Variants in PPP2R2C observed in about 807,000 individuals in gnomAD.
PPP2R2C encodes the protein protein phosphatase 2, regulatory subunit B, gamma.
PPP2R2C carries 10 observed loss-of-function variants against 45.3 expected under a neutral mutation model. The observed-to-expected ratio is 0.22, with a 90% CI of 0.14 to 0.37. The LOEUF is 0.37. PPP2R2C is among the 10% of genes least tolerant of loss of function. The pLI is 1.00. For synonymous variants in PPP2R2C, 257 were observed against 245.4 expected (o/e 1.05, Z -0.44); for missense variants, 308 against 619.7 (o/e 0.50, Z 5.34).
chr4:6,489,530 G>A (rs1289565684), intron 2 of PPP2R2C, among the ~76,000 whole-genome samples: 1 of 152,178 alleles, frequency 6.6e-6, no homozygotes, highest in East Asian at 1.9e-4. Flanking sequence ...CTGCCTGTCA[G>A]TAAAGAGTGG....
At position 6,504,091 on chromosome 4, in the gene PPP2R2C, G is replaced by C. The variant is rs1000284526; in HGVS notation, c.49+31180C>G. 5.1e-4 allele frequency among the ~76,000 whole-genome samples: 78 copies of C among 152,200 alleles called. 1 individual carries two copies. The highest frequency in any genetic ancestry group is 1.9e-3 in the African/African-American group (77 of 41,444). ...ACTGTGATAGAAATCTCCCATCTTA[G>C]TGGCCTTAAGAAGTAGCTGACAGCA... On this transcript the variant is annotated intron_variant, in intron 2 of 9. Transcript: ENST00000506140.
intron 1 of PPP2R2C, among the ~76,000 whole-genome samples, chr4:6,417,616 T>C (rs1338597778): frequency 6.6e-6 from 1 of 152,202 alleles, no homozygotes; most frequent in Non-Finnish European, 1.5e-5. Flanking sequence ...GGCTTCTGGA[T>C]AAACATGTTC....
At chr4:6,441,458 C>G (rs549542134) in intron 1 of PPP2R2C, among the ~76,000 whole-genome samples, 1 of 152,288 alleles carries the variant, frequency 6.6e-6, no homozygotes, top group Admixed American at 6.5e-5. Context: ...GGTTCCCAGC[C>G]TGCAAGTCAC....
intron 2 of PPP2R2C, among the ~76,000 whole-genome samples, chr4:6,522,767 G>A (rs2108815007): frequency 6.6e-6 from 1 of 152,248 alleles, no homozygotes; most frequent in East Asian, 1.9e-4. Context: ...TTGGCCCCTG[G>A]TTCTTGGCTA....
At chr4:6,463,031 T>C (rs1401989813) in intron 1 of PPP2R2C, among the ~76,000 whole-genome samples, 1 of 152,220 alleles carries the variant, frequency 6.6e-6, no homozygotes, top group African/African-American at 2.4e-5. Flanking sequence ...CACTCCCTTC[T>C]TAAACACTTT....
chr4:6,356,782 C>T (rs1172199916), intron 5 of PPP2R2C, among the ~76,000 whole-genome samples: 8 of 152,230 alleles, frequency 5.3e-5, no homozygotes, highest in East Asian at 3.8e-4. Flanking sequence ...TGTGGAGCCT[C>T]GGGCTAGCCT....
chr4:6,443,327 T>C (rs1380809481), intron 1 of PPP2R2C, among the ~76,000 whole-genome samples: 1 of 152,208 alleles, frequency 6.6e-6, no homozygotes, highest in African/African-American at 2.4e-5. Context: ...CCAGTTTCAT[T>C]AGAAAGGTTT....
At chr4:6,326,210 T>C (rs1008967716) in intron 8 of PPP2R2C, among the ~76,000 whole-genome samples, 1 of 152,058 alleles carries the variant, frequency 6.6e-6, no homozygotes, top group East Asian at 1.9e-4. Context: ...GGGGAATGAT[T>C]TGGGGGTCAT....
intron 1 of PPP2R2C, among the ~76,000 whole-genome samples, chr4:6,419,296 T>A (rs1206929439): frequency 6.6e-6 from 1 of 152,014 alleles, no homozygotes; most frequent in Non-Finnish European, 1.5e-5. Flanking sequence ...CGTGGTGGCA[T>A]GTGCCTGTAA....
chr4:6,377,947 G>A (rs181201656), intron 3 of PPP2R2C, among the ~76,000 whole-genome samples: 102 of 152,354 alleles, frequency 6.7e-4, no homozygotes, highest in Admixed American at 1.2e-3. Flanking sequence ...GCCCCGCAAG[G>A]CCGCGGTGAC....
chr4:6,448,247 C>A (rs1209776093), intron 1 of PPP2R2C, among the ~76,000 whole-genome samples: 1 of 152,138 alleles, frequency 6.6e-6, no homozygotes, highest in Non-Finnish European at 1.5e-5. Context: ...ACTGTTTGAT[C>A]CCTGCTTTAC....
At chr4:6,355,628 C>G (rs185394825) in intron 5 of PPP2R2C, among the ~76,000 whole-genome samples, 1 of 150,982 alleles carries the variant, frequency 6.6e-6, no homozygotes, top group Admixed American at 6.6e-5. Flanking sequence ...TCGTCACTGA[C>G]AAAGGCCATT....
At chr4:6,370,768 G>A (rs56299747) in intron 5 of PPP2R2C, among the ~76,000 whole-genome samples, 7 of 152,208 alleles carry the variant, frequency 4.6e-5, no homozygotes, top group African/African-American at 1.2e-4. Flanking sequence ...AAACATGCTC[G>A]TGCAGCAGAA....
At chr4:6,337,746 G>A (rs1288912227) in intron 6 of PPP2R2C, among the ~76,000 whole-genome samples, 2 of 152,206 alleles carry the variant, frequency 1.3e-5, no homozygotes, top group Admixed American at 1.3e-4. Flanking sequence ...AAGGCTGAGA[G>A]AACAATTGAA....
Position 6,323,601 on chromosome 4 carries a change from G to A in PPP2R2C, c.1053-8C>T. Reference sequence around the variant, plus strand: ...GCCCCGGTCATGATGACGCTGGTGGGAGAAGGAGAGGCATCAGGTGAGGAG... The same window carrying A: ...GCCCCGGTCATGATGACGCTGGTGGAAGAAGGAGAGGCATCAGGTGAGGAG... On this transcript the variant is annotated splice_polypyrimidine_tract_variant and splice_region_variant and intron_variant, in intron 8 of 8. Transcript: ENST00000382599. The A allele has an allele frequency of 6.5e-7, 1 of 1,541,764 alleles. No individual in the cohort carries two copies. Among genetic ancestry groups the A allele is most frequent in the Non-Finnish European group, 8.8e-7 (1 of 1,137,812 alleles).
At chr4:6,462,411 G>A (rs35705947) in intron 1 of PPP2R2C, among the ~76,000 whole-genome samples, 14,256 of 152,150 alleles carry the variant, frequency 0.094, 787 homozygotes, top group Non-Finnish European at 0.13. Flanking sequence ...CCCGGGAGGC[G>A]GGGGTTTCAG....
intron 2 of PPP2R2C, among the ~76,000 whole-genome samples, chr4:6,477,929 C>A (rs1407361182): frequency 6.6e-6 from 1 of 152,040 alleles, no homozygotes; most frequent in East Asian, 1.9e-4. Flanking sequence ...GAATTCAGAG[C>A]CTCACCCCTC....
upstream of PPP2R2C, chr4:6,563,702 G>A (rs1725658193): frequency 1.4e-5 from 2 of 146,490 alleles, no homozygotes; most frequent in South Asian, 3.7e-4. The surrounding 1 kb of genome is among the most constrained non-coding windows in gnomAD (Gnocchi z 5.8). Context: ...CCGGGGCGGG[G>A]GGCGGGGGGC....
chr4:6,477,730 CAAAAAA>C (rs5855918), intron 2 of PPP2R2C, among the ~76,000 whole-genome samples: 1 of 77,108 alleles, frequency 1.3e-5, no homozygotes, highest in Admixed American at 1.5e-4. Context: ...GACTCCGTCT[CAAAAAA>C]AAAAAAAAAA....
Sources: gnomAD v4.1 joint callset for allele counts (sites outside exome capture counted in the v4.1 genomes callset) on GRCh38, gnomAD v4.1.1 for gene constraint, Gnocchi (gnomAD v3.1) non-coding constraint, MANE v1.5 for transcripts, NCBI Gene and HGNC (gene_info 2026-07-23, HGNC 2026-07-21) for gene names.